Variants in SP2 observed in about 807,000 individuals in gnomAD.
SP2 encodes the protein transcription factor Sp2.
In SP2, 9 loss-of-function variants were observed where a neutral mutation model predicts 50.1. The ratio of observed to expected loss-of-function variants is 0.18; its 90% CI spans 0.11 to 0.31. The LOEUF (loss-of-function observed/expected upper bound fraction) is 0.31. Ranked by LOEUF, SP2 falls within the 10% of genes least tolerant of loss-of-function variation. SP2 has a pLI of 1.00. For synonymous variants in SP2, 313 were observed against 326.6 expected (o/e 0.96, Z 0.45); for missense variants, 581 against 806.5 (o/e 0.72, Z 3.39).
At chr17:47,926,721 C>A (rs945238217) in intron 6 of SP2, among the ~76,000 whole-genome samples, 1 of 151,456 alleles carries the variant, frequency 6.6e-6, no homozygotes, top group Non-Finnish European at 1.5e-5. Context: ...CCTAGGAGTT[C>A]GAGACCAGCC....
In SP2 at chr17:47,928,169, C is replaced by G; in HGVS notation, c.*345C>G. 1 of 206,782 alleles carries G rather than the reference C, an allele frequency of 4.8e-6. No homozygotes were observed. The highest frequency in any genetic ancestry group is 1.0e-5 in the Non-Finnish European group (1 of 97,962). 12.8% of individuals were successfully genotyped at this position (206,782 alleles called of 1,614,324 possible). A position where few individuals can be genotyped will look rare whatever the true frequency, so the allele number is the denominator to read the frequency against. ...GAGGAGCAAAGTGAGCCCCTACCCC[C>G]CACCCCGATCCCCGCTCCCAACACT... On this transcript the variant is annotated 3_prime_UTR_variant, in exon 7 of 7. Coordinates refer to ENST00000376741, the MANE Select transcript of SP2 (RefSeq NM_003110.6).
At chr17:47,917,217 G>C in intron 3 of SP2, 87 bp downstream of exon 3, 2 of 1,357,826 alleles carry the variant, frequency 1.5e-6, no homozygotes, top group Admixed American at 2.2e-5. Context: ...TCATCTCCCA[G>C]CTTGATCTGA....
chr17:47,923,593 C>T (rs767344348), intron 4 of SP2, among the ~76,000 whole-genome samples: 1 of 152,220 alleles, frequency 6.6e-6, no homozygotes, highest in Non-Finnish European at 1.5e-5. Flanking sequence ...GAAGGGAGCC[C>T]TGGCAGTCAG....
intron 1 of SP2, among the ~76,000 whole-genome samples, chr17:47,906,523 A>G (rs1247252164): frequency 1.3e-5 from 2 of 152,194 alleles, no homozygotes; most frequent in Admixed American, 6.5e-5. Flanking sequence ...AGGGGTCCAG[A>G]AAGGCCTCTC....
At chr17:47,903,287 A>G (rs2034616865) in intron 1 of SP2, among the ~76,000 whole-genome samples, 1 of 152,238 alleles carries the variant, frequency 6.6e-6, no homozygotes, top group South Asian at 2.1e-4. Context: ...ATTTGAGAGG[A>G]GAGGAAGAAC....
At chr17:47,904,320 T>C (rs984206313) in intron 1 of SP2, among the ~76,000 whole-genome samples, 2 of 144,188 alleles carry the variant, frequency 1.4e-5, no homozygotes, top group Non-Finnish European at 3.0e-5. Context: ...AACATGGAGG[T>C]GTCTGGTGGT....
At chr17:47,907,066 G>A (rs575916172) in intron 1 of SP2, among the ~76,000 whole-genome samples, 1 of 152,252 alleles carries the variant, frequency 6.6e-6, no homozygotes, top group East Asian at 1.9e-4. Flanking sequence ...TGGTCAGAGG[G>A]GCTATTGGAT....
chr17:47,904,932 G>A (rs769248050), intron 1 of SP2, among the ~76,000 whole-genome samples: 1 of 152,074 alleles, frequency 6.6e-6, no homozygotes, highest in Non-Finnish European at 1.5e-5. Context: ...ACCACACCCA[G>A]CTAGTTTGTA....
At chr17:47,901,144 GTTATC>G (rs2034525406) in intron 1 of SP2, among the ~76,000 whole-genome samples, 1 of 144,328 alleles carries the variant, frequency 6.9e-6, no homozygotes, top group Non-Finnish European at 1.5e-5. Flanking sequence ...AAGTGCCTTC[GTTATC>G]TTTTTTTTTT....
At chr17:47,921,076 T>C (rs1368318732) in intron 3 of SP2, among the ~76,000 whole-genome samples, 1 of 152,184 alleles carries the variant, frequency 6.6e-6, no homozygotes, top group East Asian at 1.9e-4. Context: ...CATCCTGTTG[T>C]AGCATGTGTC....
chr17:47,904,382 G>T (rs2034674729), intron 1 of SP2, among the ~76,000 whole-genome samples: 1 of 152,166 alleles, frequency 6.6e-6, no homozygotes. Flanking sequence ...GTTGGAGCAG[G>T]TTTAAGAAAA....
At chr17:47,900,666 A>C (rs1405796035) in intron 1 of SP2, among the ~76,000 whole-genome samples, 1 of 152,184 alleles carries the variant, frequency 6.6e-6, no homozygotes, top group Admixed American at 6.5e-5. Context: ...AGTCCCAGCT[A>C]CTGCAGAGGC....
At chr17:47,911,049 A>C (rs1488108806) in intron 1 of SP2, among the ~76,000 whole-genome samples, 1 of 151,940 alleles carries the variant, frequency 6.6e-6, no homozygotes, top group Non-Finnish European at 1.5e-5. Context: ...AACATGGCGA[A>C]ACCCCGTCTC....
chr17:47,896,740 C>T (rs1261988876), intron 1 of SP2, among the ~76,000 whole-genome samples: 4 of 152,198 alleles, frequency 2.6e-5, no homozygotes, highest in Non-Finnish European at 4.4e-5. Flanking sequence ...ACTGTAGATG[C>T]CCACCAGCGA....
intron 1 of SP2, among the ~76,000 whole-genome samples, chr17:47,904,901 C>T (rs1426694845): frequency 2.0e-5 from 3 of 152,170 alleles, no homozygotes; most frequent in South Asian, 2.1e-4. Context: ...TCCTAAGGAG[C>T]TGGGACTGCA....
At position 47,902,075 on chromosome 17, in the gene SP2, A is replaced by G. The variant is rs896133853; in HGVS notation, c.7+5782A>G. ...GCAATTTACATAGGGTGATCAGGGA[A>G]GGTCTCAATGATAAGGTGACATCCG... On this transcript the variant is annotated intron_variant, in intron 1 of 6. Transcript: ENST00000376741. Among the ~76,000 whole-genome samples the G allele has an allele frequency of 1.4e-4, 21 of 152,190 alleles. 1 individual carries two copies.
intron 6 of SP2, among the ~76,000 whole-genome samples, chr17:47,926,784 T>C (rs1260160117): frequency 1.3e-5 from 2 of 151,914 alleles, no homozygotes; most frequent in Non-Finnish European, 2.9e-5. Context: ...ATTATACATC[T>C]ACCACCTGAA....
chr17:47,904,137 C>T (rs1462173780), intron 1 of SP2, among the ~76,000 whole-genome samples: 3 of 151,388 alleles, frequency 2.0e-5, no homozygotes, highest in Non-Finnish European at 4.4e-5. Flanking sequence ...TGGTGGCGGG[C>T]ACCTGTAGTC....
downstream of SP2, among the ~76,000 whole-genome samples, chr17:47,931,620 G>T (rs1235111840): frequency 6.6e-6 from 1 of 152,164 alleles, no homozygotes; most frequent in Non-Finnish European, 1.5e-5. Context: ...CTTTAAGGTT[G>T]CCCCTTAAAG....
Sources: allele counts gnomAD v4.1 joint callset (sites outside exome capture counted in the v4.1 genomes callset), GRCh38; gene constraint gnomAD v4.1.1; transcripts MANE v1.5; gene names NCBI Gene and HGNC (gene_info 2026-07-23, HGNC 2026-07-21).